The following GALNTL6 variants were observed in gnomAD, a reference collection of about 807,000 sequenced individuals.
GALNTL6 encodes the protein polypeptide N-acetylgalactosaminyltransferase like 6, also known as polypeptide N-acetylgalactosaminyltransferase-like 6.
In GALNTL6, 46 loss-of-function variants were observed where a neutral mutation model predicts 73.7. The ratio of observed to expected loss-of-function variants is 0.62; its 90% confidence interval spans 0.49 to 0.80. The LOEUF (loss-of-function observed/expected upper bound fraction) is 0.80. Ranked by LOEUF, GALNTL6 falls within the 30% of genes least tolerant of loss-of-function variation. The pLI, the probability that GALNTL6 is intolerant of heterozygous loss-of-function variation, is 0.00. For synonymous variants in GALNTL6, 259 were observed against 263.7 expected, an observed-to-expected ratio of 0.98 and a Z score of 0.17; for missense variants, 604 against 755.0, an observed-to-expected ratio of 0.80 and a Z score of 2.34.
chr4:172,117,837 T>C (rs1250262800), intron 2 of GALNTL6, among the ~76,000 whole-genome samples: 2 of 152,096 alleles, frequency 1.3e-5, no homozygotes, highest in Non-Finnish European at 2.9e-5. Flanking sequence ...TTAAAAAAGT[T>C]TCCAAATAGG....
chr4:171,853,130 T>C lies in GALNTL6; in HGVS notation c.138+38412T>C, dbSNP rs1217325315. Among the ~76,000 whole-genome samples the C allele has an allele frequency of 2.0e-5, 3 of 151,162 alleles. No individual in the cohort carries two copies. The East Asian group carries it at 5.8e-4, about 29-fold the overall frequency. The stretch of plus-strand genomic sequence containing the variant: ...CGCCCGCTTCAGCCTCCCAAAGTGC[T>C]GGGATTACAGGCGTGAGCCACCGCG... On this transcript the variant is annotated intron_variant, in intron 2 of 12. Transcript: ENST00000506823.
rs538541619 is a variant in GALNTL6, at chr4:172,172,768, A to G, written c.139-56888A>G. 5.3e-5 allele frequency among the ~76,000 whole-genome samples: 8 copies of G among 152,358 alleles called. 1 individual carries two copies. The South Asian group carries it at 1.4e-3, about 28-fold the overall frequency. On this transcript the variant is annotated intron_variant, in intron 2 of 12. Coordinates refer to ENST00000506823, the MANE Select transcript of GALNTL6 (RefSeq NM_001034845.3). The stretch of plus-strand genomic sequence containing the variant: ...GATATGCAGAGTTACAAAAGCCGCC[A>G]GCCTCAGGCAGGCCCTACCCATTTG...
At chr4:172,000,151 A>G (rs1200325302) in intron 2 of GALNTL6, among the ~76,000 whole-genome samples, 1 of 152,198 alleles carries the variant, frequency 6.6e-6, no homozygotes. Context: ...TCTTCAGTAC[A>G]TTCTTGAAGA....
At chr4:172,413,591 C>G (rs1339068656) in intron 5 of GALNTL6, among the ~76,000 whole-genome samples, 1 of 151,380 alleles carries the variant, frequency 6.6e-6, no homozygotes, top group East Asian at 1.9e-4. Flanking sequence ...TTATGATGAC[C>G]AAAATTGTAT....
intron 9 of GALNTL6, among the ~76,000 whole-genome samples, chr4:172,947,941 A>G (rs1579693353): frequency 2.0e-5 from 3 of 152,320 alleles, no homozygotes; most frequent in Middle Eastern, 3.4e-3. Context: ...ACTGTTTGCA[A>G]TATTTCTCAG....
intron 2 of GALNTL6, among the ~76,000 whole-genome samples, chr4:172,058,900 C>G (rs757334688): frequency 2.2e-4 from 33 of 152,158 alleles, no homozygotes; most frequent in Non-Finnish European, 3.7e-4. Context: ...GATCATTTCT[C>G]TCTTCCAATT....
chr4:171,982,517 C>T (rs1035265572), intron 2 of GALNTL6, among the ~76,000 whole-genome samples: 1 of 152,026 alleles, frequency 6.6e-6, no homozygotes, highest in South Asian at 2.1e-4. Flanking sequence ...CCAGGATGGT[C>T]TTGATCTCCT....
intron 7 of GALNTL6, among the ~76,000 whole-genome samples, chr4:172,882,440 C>A (rs143285500): frequency 1.3e-5 from 2 of 152,078 alleles, no homozygotes; most frequent in Non-Finnish European, 2.9e-5. Flanking sequence ...TCAGGAAAAA[C>A]CATAAAATTG....
At chr4:172,143,671 G>A (rs568135536) in intron 2 of GALNTL6, among the ~76,000 whole-genome samples, 21 of 152,044 alleles carry the variant, frequency 1.4e-4, no homozygotes, top group African/African-American at 4.1e-4. Context: ...ATTGACTATC[G>A]TAATTTACTG....
intron 2 of GALNTL6, among the ~76,000 whole-genome samples, chr4:171,839,070 T>A (rs1451583290): frequency 1.3e-5 from 2 of 152,126 alleles, no homozygotes; most frequent in African/African-American, 4.8e-5. Context: ...CCAGAGATTT[T>A]TTTTTTTATG....
chr4:172,211,724 A>G (rs569008811), intron 2 of GALNTL6, among the ~76,000 whole-genome samples: 1 of 152,190 alleles, frequency 6.6e-6, no homozygotes, highest in African/African-American at 2.4e-5. Context: ...CTATGGGACC[A>G]GAAGTCTGAT....
In GALNTL6 at chr4:172,918,239, T is replaced by C. The variant is rs377680460; in HGVS notation, c.1042-12922T>C. Reference sequence around the variant, plus strand: ...GAACATCACACATTGGGGCCTGTTGTGGGGTGGGGGGAGGCAAGGGATAGC... The same window carrying C: ...GAACATCACACATTGGGGCCTGTTGCGGGGTGGGGGGAGGCAAGGGATAGC... On this transcript the variant is annotated intron_variant, in intron 8 of 12. Coordinates refer to ENST00000506823, the MANE Select transcript of GALNTL6 (RefSeq NM_001034845.3). Among the ~76,000 whole-genome samples, 18 of 151,866 alleles carry C rather than the reference T, an allele frequency of 1.2e-4. No individual in the cohort carries two copies. The East Asian group carries it at 2.5e-3, about 21-fold the overall frequency.
chr4:172,681,608 A>G (rs2111232484), intron 5 of GALNTL6, among the ~76,000 whole-genome samples: 1 of 152,296 alleles, frequency 6.6e-6, no homozygotes, highest in African/African-American at 2.4e-5. Flanking sequence ...TTAAATTGTA[A>G]CTTAATATGA....
chr4:171,973,605 G>A (rs1223847575), intron 2 of GALNTL6, among the ~76,000 whole-genome samples: 1 of 152,054 alleles, frequency 6.6e-6, no homozygotes, highest in African/African-American at 2.4e-5. Flanking sequence ...ATCTTAACCT[G>A]ACTGTATCTG....
At chr4:172,156,308 G>A (rs543224910) in intron 2 of GALNTL6, among the ~76,000 whole-genome samples, 9 of 152,086 alleles carry the variant, frequency 5.9e-5, no homozygotes, top group African/African-American at 1.9e-4. Flanking sequence ...GGCCTGAGGA[G>A]GGAGGAGATA....
At chr4:172,596,847 T>C (rs1470166773) in intron 5 of GALNTL6, among the ~76,000 whole-genome samples, 1 of 152,184 alleles carries the variant, frequency 6.6e-6, no homozygotes, top group African/African-American at 2.4e-5. Flanking sequence ...TAGGATATCA[T>C]TATTCAAACT....
intron 12 of GALNTL6, among the ~76,000 whole-genome samples, chr4:173,037,981 G>T (rs1753761970): frequency 6.6e-6 from 1 of 152,168 alleles, no homozygotes; most frequent in African/African-American, 2.4e-5. Flanking sequence ...GGCCTCATGT[G>T]ATCTGCCCGC....
At chr4:172,648,284 A>G (rs953068508) in intron 5 of GALNTL6, among the ~76,000 whole-genome samples, 31 of 152,142 alleles carry the variant, frequency 2.0e-4, no homozygotes, top group Non-Finnish European at 5.9e-5. Context: ...CAGCTCCTAA[A>G]GCTTCTAAAG....
chr4:172,350,584 C>T (rs778348319), intron 5 of GALNTL6, among the ~76,000 whole-genome samples: 8 of 152,060 alleles, frequency 5.3e-5, no homozygotes, highest in South Asian at 2.1e-4. Context: ...ATTACTTTAA[C>T]GCTTAGGTAA....
Sources: allele counts gnomAD v4.1 joint callset (sites outside exome capture counted in the v4.1 genomes callset), GRCh38; gene constraint gnomAD v4.1.1; transcripts MANE v1.5; gene names NCBI Gene and HGNC (gene_info 2026-07-23, HGNC 2026-07-21).